The following CNTN4 variants were observed in gnomAD, a reference collection of about 807,000 sequenced individuals.
CNTN4 encodes the protein contactin-4.
Under a neutral mutation model 122.5 loss-of-function variants are expected in CNTN4, and 77 were observed. The observed-to-expected ratio is 0.63, with a 90% confidence interval of 0.52 to 0.76. The LOEUF is 0.76. CNTN4 is among the 30% of genes least tolerant of loss of function. The pLI, the probability that CNTN4 is intolerant of heterozygous loss-of-function variation, is 0.00. For synonymous variants in CNTN4, 512 were observed against 447.0 expected (o/e 1.15, Z -1.83); for missense variants, 1,256 against 1,259.1 (o/e 1.00, Z 0.04).
At chr3:2,964,011 T>G (rs543122784) in intron 13 of CNTN4, among the ~76,000 whole-genome samples, 1 of 152,358 alleles carries the variant, frequency 6.6e-6, no homozygotes, top group Non-Finnish European at 1.5e-5. Flanking sequence ...TTGTTCACTA[T>G]TGCATCTTTA....
chr3:2,952,878 G>T (rs181028734), intron 13 of CNTN4, among the ~76,000 whole-genome samples: 63 of 152,274 alleles, frequency 4.1e-4, no homozygotes, highest in African/African-American at 1.4e-3. Context: ...TATAGCAACA[G>T]CGAGGATTTG....
At chr3:2,605,790 G>GCTGTT (rs1260824665) in intron 4 of CNTN4, among the ~76,000 whole-genome samples, 1 of 152,188 alleles carries the variant, frequency 6.6e-6, no homozygotes, top group African/African-American at 2.4e-5. Context: ...AGGTGCTAGT[G>GCTGTT]CTGTTCCACA....
chr3:2,995,672 C>T (rs148781854), intron 14 of CNTN4, among the ~76,000 whole-genome samples: 96 of 152,258 alleles, frequency 6.3e-4, no homozygotes, highest in African/African-American at 2.2e-3. Context: ...CAGGGAAAGG[C>T]AATGTAAGCA....
intron 6 of CNTN4, among the ~76,000 whole-genome samples, chr3:2,790,057 C>T (rs901311196): frequency 1.2e-4 from 18 of 152,106 alleles, no homozygotes; most frequent in African/African-American, 4.3e-4. Flanking sequence ...CCACGTTACA[C>T]AATTTACAAG....
At chr3:2,233,494 C>T (rs1450166743) in intron 2 of CNTN4, among the ~76,000 whole-genome samples, 1 of 152,018 alleles carries the variant, frequency 6.6e-6, no homozygotes, top group East Asian at 1.9e-4. Context: ...TGAACTAGGC[C>T]AATACTATTC....
At chr3:2,615,481 TA>T (rs1472526522) in intron 4 of CNTN4, among the ~76,000 whole-genome samples, 1 of 152,188 alleles carries the variant, frequency 6.6e-6, no homozygotes, top group Non-Finnish European at 1.5e-5. Flanking sequence ...TTCAGTGTCT[TA>T]AAACAGTTCA....
chr3:2,671,565 C>T (rs986755360), intron 4 of CNTN4, among the ~76,000 whole-genome samples: 1 of 152,118 alleles, frequency 6.6e-6, no homozygotes, highest in Non-Finnish European at 1.5e-5. Flanking sequence ...GAAGTTTGAT[C>T]ATCTGAAGCC....
intron 4 of CNTN4, among the ~76,000 whole-genome samples, chr3:2,613,947 G>C (rs2081605158): frequency 6.6e-6 from 1 of 152,008 alleles, no homozygotes; most frequent in African/African-American, 2.4e-5. Context: ...TCTATGTGCT[G>C]ACCGCTGTTC....
Position 2,811,452 on chromosome 3 carries a change from A to ATTATTTAT in CNTN4, c.359-8015_359-8008dup, listed in dbSNP as rs146081354. The stretch of plus-strand genomic sequence containing the variant: ...TGGTCCTTTACTTTATTTTTATTTT[A>ATTATTTAT]TTATTTATTTATTTATTTATTTATT... On this transcript the variant is annotated intron_variant, in intron 6 of 24. Transcript: ENST00000418658. Among the ~76,000 whole-genome samples the ATTATTTAT allele has an allele frequency of 5.6e-4, 82 of 146,482 alleles. 2 individuals are homozygous for ATTATTTAT. The highest frequency in any genetic ancestry group is 1.9e-3 in the African/African-American group (73 of 39,100).
chr3:3,050,042 A>T (rs1190145398), intron 23 of CNTN4, among the ~76,000 whole-genome samples: 1 of 152,182 alleles, frequency 6.6e-6, no homozygotes, highest in Non-Finnish European at 1.5e-5. Flanking sequence ...AGGGATAGAG[A>T]GCTGACTCGC....
At chr3:2,654,903 A>C (rs2083517055) in intron 4 of CNTN4, among the ~76,000 whole-genome samples, 1 of 152,110 alleles carries the variant, frequency 6.6e-6, no homozygotes, top group Non-Finnish European at 1.5e-5. Context: ...TAACACAGGG[A>C]AGGAATTTGA....
chr3:2,893,655 G>GT (rs540822379), intron 10 of CNTN4, among the ~76,000 whole-genome samples: 184 of 152,020 alleles, frequency 1.2e-3, no homozygotes, highest in Middle Eastern at 3.4e-3. Context: ...AATAAGAAAC[G>GT]TTAAGCCATG....
At chr3:2,262,386 C>T (rs1362805277) in intron 2 of CNTN4, 1 of 152,140 alleles carries the variant, frequency 6.6e-6, no homozygotes, top group Admixed American at 6.6e-5. Flanking sequence ...CCCACTTGGA[C>T]TGTTTCGCAA....
chr3:2,263,231 A>ACAGCATTTAT (rs2040910525), intron 2 of CNTN4, among the ~76,000 whole-genome samples: 1 of 152,144 alleles, frequency 6.6e-6, no homozygotes, highest in Non-Finnish European at 1.5e-5. Context: ...GTAGATTGTG[A>ACAGCATTTAT]ACTACATGTG....
rs187237279 is a variant in CNTN4 at position 2,226,169 on chromosome 3, G to C, written c.-144-113009G>C. ...CATATATAATTCTTACCTCCTTGCT[G>C]TATGGTTTTATGTTGCCATTACATT... On this transcript the variant is annotated intron_variant, in intron 2 of 24. Transcript: ENST00000418658. Among the ~76,000 whole-genome samples, 421 of 152,168 alleles carry C rather than the reference G, an allele frequency of 2.8e-3. 7 individuals carry two copies. Among genetic ancestry groups the C allele is most frequent in the Admixed American group, 0.023 (352 of 15,280 alleles).
intron 3 of CNTN4, among the ~76,000 whole-genome samples, chr3:2,426,825 C>A (rs1433338669): frequency 1.3e-5 from 2 of 152,108 alleles, no homozygotes; most frequent in Non-Finnish European, 2.9e-5. Flanking sequence ...AGAAATTTAT[C>A]CATTTCTTCT....
intron 4 of CNTN4, among the ~76,000 whole-genome samples, chr3:2,715,580 A>G (rs1576549067): frequency 1.3e-5 from 2 of 152,356 alleles, no homozygotes; most frequent in Non-Finnish European, 2.9e-5. Context: ...TTAGTCAGTT[A>G]GAGCTGTCAT....
chr3:2,991,035 G>A (rs1695007444), intron 14 of CNTN4, among the ~76,000 whole-genome samples: 1 of 152,108 alleles, frequency 6.6e-6, no homozygotes, highest in Non-Finnish European at 1.5e-5. Context: ...TGTTATAGGA[G>A]GATATGCAAA....
At chr3:2,731,898 C>T (rs1471192228) in intron 4 of CNTN4, among the ~76,000 whole-genome samples, 2 of 152,200 alleles carry the variant, frequency 1.3e-5, no homozygotes, top group Non-Finnish European at 2.9e-5. Context: ...TTTGTCAATT[C>T]AGTGCAGTGC....
Sources: allele counts gnomAD v4.1 joint callset (sites outside exome capture counted in the v4.1 genomes callset), GRCh38; gene constraint gnomAD v4.1.1; transcripts MANE v1.5; gene names NCBI Gene and HGNC (gene_info 2026-07-23, HGNC 2026-07-21).